C11orf86: variants seen among roughly 807,000 people sequenced by gnomAD.
C11orf86 encodes the protein uncharacterized protein C11orf86.
C11orf86 carries 13 observed loss-of-function variants against 11.1 expected under a neutral mutation model. That is an observed-to-expected ratio of 1.17 (90% CI 0.76 to 1.86). C11orf86 has a LOEUF of 1.86. Among genes scored for constraint, C11orf86 ranks in the 40% most tolerant of loss-of-function variants. The probability of loss-of-function intolerance (pLI) is 0.00; values close to 1 mark genes in which losing one functional copy is unlikely to be tolerated. For synonymous variants in C11orf86, 86 were observed against 64.7 expected, an observed-to-expected ratio of 1.33 and a Z score of -1.58; for missense variants, 144 against 146.5, an observed-to-expected ratio of 0.98 and a Z score of 0.09.
rs1165183177 is a variant in C11orf86 at position 66,976,481 on chromosome 11, G to A, written c.*230G>A. ...AGCTCTCTTTGAAGATCCCAGCAGG[G>A]TCAAAAAGAAGGGGGCTCAGCTGTC... On this transcript the variant is annotated 3_prime_UTR_variant, in exon 2 of 2. Coordinates refer to ENST00000683896, the MANE Select transcript of C11orf86 (RefSeq NM_001353554.2). The A allele has an allele frequency of 2.6e-5, 15 of 568,362 alleles. No homozygotes were observed. Among genetic ancestry groups the A allele is most frequent in the Non-Finnish European group, 3.8e-5 (12 of 317,792 alleles). The allele number at this position is 568,362 out of a possible 1,614,324, so 35.2% of individuals were successfully genotyped here. A position where few individuals can be genotyped will look rare whatever the true frequency, so the allele number is the denominator to read the frequency against.
rs1297542456 is a variant in C11orf86 at position 66,975,485 on chromosome 11, G to T, written c.123G>T (p.Gly41=). The change falls in exon 1 of 2, where the codon GGG becomes GGT. Residue 41 remains glycine, a synonymous_variant. Transcript: ENST00000683896. The part of the protein sequence containing the change: ...QLRRALSLRQ[G]QEKSRSQGLE... ...GCAGGGCGCTAAGCCTCAGACAGGG[G>T]CAAGAGAAGTCCAGGTCCCAGGGCC... 6.4e-7 allele frequency: 1 copy of T among 1,551,438 alleles called. No individual in the cohort carries two copies. Among genetic ancestry groups the T allele is most frequent in the Admixed American group, 2.0e-5 (1 of 50,988 alleles).
rs1949792774 is a variant in C11orf86, at chr11:66,976,701, GC to G, written c.*453del. ...CTGGTCACTGGGCCATGACCCAACTGCCCTTCTTGTCAGTTGCTGATGGTGG... is the reference window on the plus strand; with the variant it reads ...CTGGTCACTGGGCCATGACCCAACTGCCTTCTTGTCAGTTGCTGATGGTGG... On this transcript the variant is annotated 3_prime_UTR_variant, in exon 2 of 2. Coordinates refer to ENST00000683896, the MANE Select transcript of C11orf86 (RefSeq NM_001353554.2). The G allele has an allele frequency of 1.2e-5, 2 of 160,636 alleles. No homozygotes were observed. Among genetic ancestry groups the G allele is most frequent in the South Asian group, 3.7e-4 (2 of 5,366 alleles). The allele number at this position is 160,636 out of a possible 1,614,324, so 10.0% of individuals were successfully genotyped here.
chr11:66,975,783 AC>A (rs1949784440), intron 1 of C11orf86, 145 bp downstream of exon 1: 4 of 1,258,342 alleles, frequency 3.2e-6, no homozygotes, highest in Non-Finnish European at 4.3e-6. Flanking sequence ...AGAGAGAGAC[AC>A]CCCAGAGCCA....
In C11orf86 at chr11:66,976,617, A is replaced by G. The variant is rs1337577762; in HGVS notation, c.*366A>G. ...TCCTGCCCCACACGACCAGCTGTCAACTTCCAGGACGGAGCTTGATGAAGC... is the reference window on the plus strand; with the variant it reads ...TCCTGCCCCACACGACCAGCTGTCAGCTTCCAGGACGGAGCTTGATGAAGC... On this transcript the variant is annotated 3_prime_UTR_variant, in exon 2 of 2. Transcript: ENST00000683896. 9.0e-6 allele frequency: 2 copies of G among 221,342 alleles called. No homozygotes were observed. The highest frequency in any genetic ancestry group is 2.1e-4 in the East Asian group (2 of 9,382). The allele number at this position is 221,342 out of a possible 1,614,324, so 13.7% of individuals were successfully genotyped here.
chr11:66,975,663 A>G (rs1476302657), intron 1 of C11orf86, 25 bp downstream of exon 1: 7 of 1,541,404 alleles, frequency 4.5e-6, no homozygotes, highest in Non-Finnish European at 5.2e-6. Context: ...TGAAGGATGG[A>G]GGGTACCACA....
chr11:66,976,135 CA>C (rs1565317505), intron 1 of C11orf86, 41 bp from the exon 2 acceptor site: 5 of 1,542,946 alleles, frequency 3.2e-6, no homozygotes, highest in Non-Finnish European at 4.4e-6. Context: ...CATCTAAGCC[CA>C]CCACTCAGCC....
Position 66,975,370 on chromosome 11 carries a change from C to G in C11orf86, c.8C>G (p.Thr3Arg). MG[T>R]GLRSQSLREP... ...CCTGCAGCCTCCGGAGCCATGGGAA[C>G]AGGGCTGCGAAGTCAGTCCTTGCGA... is the stretch of plus-strand genomic sequence containing the variant. The change falls in exon 1 of 2, where the codon ACA (threonine) becomes AGA (arginine). Residue 3 changes from threonine (T) to arginine (R), a missense_variant. By Grantham distance (71) the Thr-to-Arg change is moderately conservative. Coordinates refer to ENST00000683896, the MANE Select transcript of C11orf86 (RefSeq NM_001353554.2). 1 of 1,549,306 alleles carries G rather than the reference C, an allele frequency of 6.5e-7. No homozygotes were observed. Among genetic ancestry groups the G allele is most frequent in the Non-Finnish European group, 8.7e-7 (1 of 1,146,498 alleles).
chr11:66,975,891 T>C (rs1194450012), intron 1 of C11orf86, among the ~76,000 whole-genome samples: 1 of 152,128 alleles, frequency 6.6e-6, no homozygotes, highest in Non-Finnish European at 1.5e-5. Context: ...GTAAGCGCTG[T>C]TTTTAGCTGA....
Position 66,976,200 on chromosome 11 carries a change from C to G in C11orf86, c.300C>G (p.Ser100Arg), listed in dbSNP as rs559785183. The change falls in exon 2 of 2, where the codon AGC becomes AGG. Residue 100 changes from serine (S) to arginine (R), a missense_variant. Physicochemically the swap from Ser to Arg is moderately radical, Grantham distance 110. Coordinates refer to ENST00000683896, the MANE Select transcript of C11orf86 (RefSeq NM_001353554.2). ...AGCAGGTAAGAAGAAGGTGGGAGAGCTTTGTCGCCATCTTCCCCAGCGTGA... is the reference window on the plus strand; with the variant it reads ...AGCAGGTAAGAAGAAGGTGGGAGAGGTTTGTCGCCATCTTCCCCAGCGTGA... ...YQQQVRRRWESFVAIFPSVTL... is the reference protein window; with the variant it reads ...YQQQVRRRWERFVAIFPSVTL... 1 of 1,551,468 alleles carries G rather than the reference C, an allele frequency of 6.4e-7. No homozygotes were observed. Among genetic ancestry groups the G allele is most frequent in the African/African-American group, 1.4e-5 (1 of 73,186 alleles).
At position 66,975,381 on chromosome 11, in the gene C11orf86, A is replaced by C; in HGVS notation, c.19A>C (p.Ser7Arg). The change falls in exon 1 of 2, where the codon AGT becomes CGT. Residue 7 changes from serine to arginine, a missense_variant. Physicochemically the swap from Ser to Arg is moderately radical, Grantham distance 110. Transcript: ENST00000683896. MGTGLR[S>R]QSLREPRPSY... is the part of the protein sequence containing the mutation. ...CGGAGCCATGGGAACAGGGCTGCGA[A>C]GTCAGTCCTTGCGAGAGCCCCGACC... 6.5e-7 allele frequency: 1 copy of C among 1,550,268 alleles called. No homozygotes were observed. The highest frequency in any genetic ancestry group is 8.7e-7 in the Non-Finnish European group (1 of 1,146,718).
rs1239660571 is a variant in C11orf86 at position 66,975,613 on chromosome 11, G to A, written c.251G>A (p.Arg84Gln). The A allele has an allele frequency of 1.7e-5, 26 of 1,551,088 alleles. No individual in the cohort carries two copies. The highest frequency in any genetic ancestry group is 8.2e-5 in the African/African-American group (6 of 73,042). ...QLIQAQRRGS[R>Q]WWLRRYQQQV... is the part of the protein sequence containing the mutation. ...ATCCAAGCCCAGCGAAGAGGCAGCC[G>A]GTGGTGGCTGAGGCGGTACCAACAG... Residue 84 changes from arginine (R) to glutamine (Q), a missense_variant, in exon 1 of 2, where the codon CGG (arginine) becomes CAG (glutamine). Transcript: ENST00000683896.
chr11:66,975,737 C>T (rs1349356534), intron 1 of C11orf86, 99 bp downstream of exon 1: 1 of 1,463,058 alleles, frequency 6.8e-7, no homozygotes, highest in East Asian at 2.5e-5. Context: ...GGCTGTGTAC[C>T]AAGATGACAA....
In C11orf86 at chr11:66,976,413, A is replaced by G. The variant is rs1949789972; in HGVS notation, c.*162A>G. On this transcript the variant is annotated 3_prime_UTR_variant, in exon 2 of 2. Transcript: ENST00000683896. ...CTGCCACCAGCTCACTGGAGTCGCC[A>G]CGTGGCTGCCACTCTTAGCTCTGGC... 3.0e-6 allele frequency: 2 copies of G among 663,364 alleles called. No homozygotes were observed. The highest frequency in any genetic ancestry group is 3.6e-5 in the African/African-American group (2 of 55,806). 41.1% of individuals were successfully genotyped at this position (663,364 alleles called of 1,614,324 possible). A position where few individuals can be genotyped will look rare whatever the true frequency, so the allele number is the denominator to read the frequency against.
At position 66,976,955 on chromosome 11, in the gene C11orf86, C is replaced by G. The variant is rs1373204581; in HGVS notation, c.*704C>G. The G allele has an allele frequency of 2.0e-5, 3 of 152,256 alleles. No individual in the cohort carries two copies. Among genetic ancestry groups the G allele is most frequent in the African/African-American group, 7.2e-5 (3 of 41,432 alleles). The allele number at this position is 152,256 out of a possible 1,614,324, so 9.4% of individuals were successfully genotyped here. ...CATCTCCGACCCCACCCCACCCCAT[C>G]CAGTGTCCAGCACTGGAGTCGAACA... On this transcript the variant is annotated 3_prime_UTR_variant, in exon 2 of 2. Coordinates refer to ENST00000683896, the MANE Select transcript of C11orf86 (RefSeq NM_001353554.2).
intron 1 of C11orf86, 88 bp from the exon 2 acceptor site, chr11:66,976,089 G>A: frequency 7.8e-7 from 1 of 1,286,436 alleles, no homozygotes; most frequent in East Asian, 2.5e-5. Context: ...TCTCTACCTG[G>A]GGTCTACCCC....
chr11:66,976,157 C>T lies in C11orf86; in HGVS notation c.277-20C>T, dbSNP rs1259407519. On this transcript the variant is annotated intron_variant, in intron 1 of 1. Coordinates refer to ENST00000683896, the MANE Select transcript of C11orf86 (RefSeq NM_001353554.2). ...GCCCACCACTCAGCCCATGGGACCT[C>T]CCCCACCTCTGTCTTCCAGCAGGTA... is the stretch of plus-strand genomic sequence containing the variant. 40 of 1,551,008 alleles carry T rather than the reference C, an allele frequency of 2.6e-5. No individual in the cohort carries two copies. Among genetic ancestry groups the T allele is most frequent in the Non-Finnish European group, 3.5e-5 (40 of 1,146,756 alleles).
At chr11:66,975,857 G>T (rs906233467) in intron 1 of C11orf86, among the ~76,000 whole-genome samples, 11 of 152,224 alleles carry the variant, frequency 7.2e-5, no homozygotes, top group Non-Finnish European at 1.2e-4. Context: ...GCCACTGAAG[G>T]TTTTAGAGGA....
At position 66,976,268 on chromosome 11, in the gene C11orf86, T is replaced by C; in HGVS notation, c.*17T>C. 2 of 1,550,010 alleles carry C rather than the reference T, an allele frequency of 1.3e-6. No homozygotes were observed. Among genetic ancestry groups the C allele is most frequent in the Non-Finnish European group, 8.7e-7 (1 of 1,146,572 alleles). ...TCCCCGTAGCCCACACTGGGCACCA[T>C]CAGCTAAAGATGCTGGAAGCCATCG... On this transcript the variant is annotated 3_prime_UTR_variant, in exon 2 of 2. Transcript: ENST00000683896.
rs931110403 is a variant in C11orf86, at chr11:66,976,807, C to A, written c.*556C>A. 2 of 153,690 alleles carry A rather than the reference C, an allele frequency of 1.3e-5. No homozygotes were observed. Among genetic ancestry groups the A allele is most frequent in the Middle Eastern group, 3.4e-3 (1 of 298 alleles). 9.5% of individuals were successfully genotyped at this position (153,690 alleles called of 1,614,324 possible). ...GCTGGGTGGCCCTCCTGGCTGAGCA[C>A]TCTGTGCTGAAAACCTTTGAACCTC... On this transcript the variant is annotated 3_prime_UTR_variant, in exon 2 of 2. Transcript: ENST00000683896.
Sources: gnomAD v4.1 joint callset for allele counts (sites outside exome capture counted in the v4.1 genomes callset) on GRCh38, gnomAD v4.1.1 for gene constraint, MANE v1.5 for transcripts, NCBI Gene and HGNC (gene_info 2026-07-23, HGNC 2026-07-21) for gene names.